Variants in MUC5B observed in about 807,000 individuals in gnomAD.
The protein encoded by MUC5B is mucin-5B.
Under a neutral mutation model 376.9 loss-of-function variants are expected in MUC5B, and 116 were observed. The ratio of observed to expected loss-of-function variants is 0.31; its 90% CI spans 0.26 to 0.36. MUC5B has a LOEUF of 0.36. Ranked by LOEUF, MUC5B falls within the 10% of genes least tolerant of loss-of-function variation. The pLI is 1.00. For missense variants in MUC5B, 7,165 were observed against 7,769.9 expected (o/e 0.92, Z 2.93); for synonymous variants, 3,517 against 3,390.9 (o/e 1.04, Z -1.29).
rs1478312057 is a variant in MUC5B, at chr11:1,233,084, C to T, written c.2137C>T (p.Arg713Cys). The T allele has an allele frequency of 7.5e-6, 12 of 1,607,232 alleles. No homozygotes were observed. Among genetic ancestry groups the T allele is most frequent in the Admixed American group, 1.7e-5 (1 of 59,778 alleles). The change falls in exon 18 of 49, where the codon CGC becomes TGC. Residue 713 changes from arginine to cysteine, a missense_variant. By Grantham distance (180) the Arg-to-Cys change is radical. Coordinates refer to ENST00000529681, the MANE Select transcript of MUC5B (RefSeq NM_002458.3). ...YVVDACQPTC[R>C]GLSEADVTCS... ...GGTGGATGCCTGCCAGCCCACTTGC[C>T]GCGGCCTGAGTGAGGCCGACGTCAC...
intron 2 of MUC5B, 145 bp from the exon 3 acceptor site, chr11:1,226,060 G>T (rs1861872669): frequency 2.5e-6 from 2 of 794,800 alleles, no homozygotes; most frequent in African/African-American, 3.5e-5. Flanking sequence ...CAGGGCCAAG[G>T]GTAAAGGGGC....
In MUC5B at chr11:1,241,809, C is replaced by A. The variant is rs751227812; in HGVS notation, c.4929C>A (p.Pro1643=). ...GTAGCCCGGGGCTGACCAGGGCTCC[C>A]CCGGCCAGCACCACAGCAGTCCCCA... ...PTSSPGLTRA[P]PASTTAVPTL... Residue 1643 remains proline, a synonymous_variant, in exon 31 of 49, where the codon CCC becomes CCA. Coordinates refer to ENST00000529681, the MANE Select transcript of MUC5B (RefSeq NM_002458.3). The A allele has an allele frequency of 6.2e-7, 1 of 1,612,842 alleles. No individual in the cohort carries two copies. Among genetic ancestry groups the A allele is most frequent in the Admixed American group, 1.7e-5 (1 of 59,948 alleles).
chr11:1,259,427 T>C (rs2133855292), intron 44 of MUC5B: 1 of 487,392 alleles, frequency 2.1e-6, no homozygotes, highest in Non-Finnish European at 3.7e-6. Context: ...AGCTCAGCCA[T>C]TGCTGGGGTC....
Position 1,247,397 on chromosome 11 carries a change from C to G in MUC5B, c.10517C>G (p.Thr3506Ser), listed in dbSNP as rs1459932413. The G allele has an allele frequency of 4.3e-6, 7 of 1,609,934 alleles. No individual in the cohort carries two copies. Among genetic ancestry groups the G allele is most frequent in the Non-Finnish European group, 5.9e-6 (7 of 1,178,998 alleles). Residue 3506 changes from threonine to serine, a missense_variant, in exon 31 of 49, where the codon ACT becomes AGT. Thr to Ser is a moderately conservative substitution (Grantham distance 58). Transcript: ENST00000529681. ...ACCACCAGTACCACCCAGCACTCGA[C>G]TCCAGCCCTGTCCAGCCCTCACCCT... ...AATTSTTQHSTPALSSPHPSS... is the reference protein window; with the variant it reads ...AATTSTTQHSSPALSSPHPSS...
intron 2 of MUC5B, 148 bp downstream of exon 2, chr11:1,225,885 C>T (rs1861869002): frequency 2.4e-5 from 18 of 758,634 alleles, no homozygotes; most frequent in South Asian, 7.4e-5. Flanking sequence ...ACCCAGCACC[C>T]GAGGCGGAGC....
At position 1,238,933 on chromosome 11, in the gene MUC5B, C is replaced by T. The variant is rs79220674; in HGVS notation, c.3360C>T (p.Gly1120=). ...ACGCGTGTGCCTGCGACTCGGGTGG[C>T]GACTGCGAGTGTTTCTGCACGGCTG... The part of the protein sequence containing the change: ...VNDACACDSG[G]DCECFCTAVA... Residue 1120 remains glycine, a synonymous_variant, in exon 26 of 49, where the codon GGC becomes GGT. Transcript: ENST00000529681. 3.2e-5 allele frequency: 51 copies of T among 1,574,124 alleles called. No homozygotes were observed. Among genetic ancestry groups the T allele is most frequent in the African/African-American group, 1.9e-4 (14 of 74,080 alleles).
rs751145015 is a variant in MUC5B at position 1,244,854 on chromosome 11, C to A, written c.7974C>A (p.Thr2658=). 1.1e-5 allele frequency: 17 copies of A among 1,613,352 alleles called. No homozygotes were observed. The East Asian group carries it at 3.6e-4, about 34-fold the overall frequency. ...CCTCCATCCCGGGGACCACCCACAC[C>A]CCCACAGTGCTGACCACCACCACCA... ...TPSSIPGTTH[T]PTVLTTTTTT... is the part of the protein sequence containing the mutation. The change falls in exon 31 of 49, where the codon ACC becomes ACA. Residue 2658 remains threonine (T), a synonymous_variant. Coordinates refer to ENST00000529681, the MANE Select transcript of MUC5B (RefSeq NM_002458.3).
Position 1,248,082 on chromosome 11 carries a change from C to A in MUC5B, c.11202C>A (p.Pro3734=). ...EPSTTATVTV[P]TGSTATASST... ...GCACTACAGCCACCGTGACGGTGCCCACCGGATCCACGGCCACCGCCTCCT... is the reference window on the plus strand; with the variant it reads ...GCACTACAGCCACCGTGACGGTGCCAACCGGATCCACGGCCACCGCCTCCT... The change falls in exon 31 of 49, where the codon CCC becomes CCA. Residue 3734 remains proline, a synonymous_variant. Coordinates refer to ENST00000529681, the MANE Select transcript of MUC5B (RefSeq NM_002458.3). 6.2e-7 allele frequency: 1 copy of A among 1,603,210 alleles called. No individual in the cohort carries two copies. Among genetic ancestry groups the A allele is most frequent in the Non-Finnish European group, 8.5e-7 (1 of 1,175,612 alleles).
rs757076636 is a variant in MUC5B, at chr11:1,241,448, T to C, written c.4568T>C (p.Leu1523Pro). ...GAGGACTACCCCAAGTCTGAACAACTTGGAGGGGACGTTGAGTCCTACGAT... is the reference window on the plus strand; with the variant it reads ...GAGGACTACCCCAAGTCTGAACAACCTGGAGGGGACGTTGAGTCCTACGAT... ...FDEDYPKSEQ[L>P]GGDVESYDKI... The change falls in exon 31 of 49, where the codon CTT becomes CCT. Residue 1523 changes from leucine (L) to proline (P), a missense_variant. Transcript: ENST00000529681. 4 of 1,613,258 alleles carry C rather than the reference T, an allele frequency of 2.5e-6. No homozygotes were observed. Among genetic ancestry groups the C allele is most frequent in the East Asian group, 4.5e-5 (2 of 44,804 alleles).
At chr11:1,223,462 C>G in intron 1 of MUC5B, 1 of 532,458 alleles carries the variant, frequency 1.9e-6, no homozygotes, top group Non-Finnish European at 3.5e-6. Flanking sequence ...GGGAGACCAC[C>G]GAAAGGGTCT....
Position 1,233,218 on chromosome 11 carries a change from C to G in MUC5B, c.2271C>G (p.His757Gln), listed in dbSNP as rs147606040. ...CCCAGGAGTGCCCCTGCTACGCTCA[C>G]GGCACCGTGCTGGCTCCTGGAGAGG... ...VPAQECPCYA[H>Q]GTVLAPGEVV... The change falls in exon 18 of 49, where the codon CAC (histidine) becomes CAG (glutamine). Residue 757 changes from histidine to glutamine, a missense_variant. This residue lies in a region of MUC5B where 530 missense variants were observed against 604.0 expected (regional missense o/e 0.88). Coordinates refer to ENST00000529681, the MANE Select transcript of MUC5B (RefSeq NM_002458.3). The G allele has an allele frequency of 6.3e-7, 1 of 1,597,648 alleles. No homozygotes were observed. The highest frequency in any genetic ancestry group is 8.5e-7 in the Non-Finnish European group (1 of 1,175,610).
Position 1,242,117 on chromosome 11 carries a change from C to T in MUC5B, c.5237C>T (p.Ala1746Val), listed in dbSNP as rs371700253. 54 of 1,613,276 alleles carry T rather than the reference C, an allele frequency of 3.3e-5. No homozygotes were observed. The highest frequency in any genetic ancestry group is 5.5e-5 in the South Asian group (5 of 91,068). The change falls in exon 31 of 49, where the codon GCG (alanine) becomes GTG (valine). Residue 1746 changes from alanine to valine, a missense_variant. Ala to Val is a moderately conservative substitution (Grantham distance 64, BLOSUM62 0). Coordinates refer to ENST00000529681, the MANE Select transcript of MUC5B (RefSeq NM_002458.3). The part of the protein sequence containing the change: ...ASKEPLTTSL[A>V]PTLTSELSTS... ...AAAGAGCCGCTGACCACGAGCCTGG[C>T]GCCAACACTCACGAGCGAGCTGTCC...
rs1484724148 is a variant in MUC5B, at chr11:1,261,709, T to C, written c.*101T>C. 2 of 1,194,726 alleles carry C rather than the reference T, an allele frequency of 1.7e-6. No homozygotes were observed. Among genetic ancestry groups the C allele is most frequent in the Middle Eastern group, 1.9e-4 (1 of 5,374 alleles). 74.0% of individuals were successfully genotyped at this position (1,194,726 alleles called of 1,614,324 possible). On this transcript the variant is annotated 3_prime_UTR_variant, in exon 49 of 49. Transcript: ENST00000529681. The stretch of plus-strand genomic sequence containing the variant: ...GCCTCCTCTGCGGAGCCCCCCGGCC[T>C]GTGTGTGGCACCCCGCGCTCCGTGC...
In MUC5B at chr11:1,240,333, C is replaced by T. The variant is rs115299660; in HGVS notation, c.3928C>T (p.Pro1310Ser). 1.5e-3 allele frequency: 2,426 copies of T among 1,609,988 alleles called. 30 individuals carry two copies. The African/African-American group carries it at 0.029, about 19-fold the overall frequency. ...VACPGTPATT[P>S]FTFTTAWVPH... ...ATGTCCTGGAACTCCAGCCACAACG[C>T]CATTCACCTTCACCACCGCCTGGGT... The change falls in exon 30 of 49, where the codon CCA (proline) becomes TCA (serine). Residue 1310 changes from proline (P) to serine (S), a missense_variant. Physicochemically the swap from Pro to Ser is moderately conservative, Grantham distance 74. Coordinates refer to ENST00000529681, the MANE Select transcript of MUC5B (RefSeq NM_002458.3).
chr11:1,251,843 A>G (rs1862709411), intron 31 of MUC5B, 100 bp downstream of exon 31: 3 of 887,770 alleles, frequency 3.4e-6, no homozygotes, highest in African/African-American at 3.4e-5. Context: ...CCTGCTGGTC[A>G]TGTTTGTTCC....
chr11:1,252,302 T>C (rs1419230243), intron 31 of MUC5B, 41 bp from the exon 32 acceptor site: 1 of 1,513,262 alleles, frequency 6.6e-7, no homozygotes, highest in Non-Finnish European at 8.9e-7. Context: ...CTTACCCATC[T>C]CTGGGAGTGG....
chr11:1,233,962 C>A, intron 19 of MUC5B, 114 bp downstream of exon 19: 1 of 1,097,008 alleles, frequency 9.1e-7, no homozygotes. Context: ...CGGGCCAGGT[C>A]AGTCCTCACC....
chr11:1,229,324 G>A (rs571191527), intron 9 of MUC5B, 29 bp downstream of exon 9: 3 of 1,519,898 alleles, frequency 2.0e-6, no homozygotes, highest in Admixed American at 2.0e-5. Context: ...GAACCCCTCA[G>A]GGGGCTTTCA....
At position 1,243,764 on chromosome 11, in the gene MUC5B, C is replaced by A. The variant is rs768786670; in HGVS notation, c.6884C>A (p.Thr2295Asn). 1.1e-5 allele frequency: 18 copies of A among 1,611,602 alleles called. No homozygotes were observed. Among genetic ancestry groups the A allele is most frequent in the Non-Finnish European group, 1.4e-5 (17 of 1,179,650 alleles). Residue 2295 changes from threonine to asparagine, a missense_variant, in exon 31 of 49, where the codon ACC becomes AAC. This residue lies in a region of MUC5B where 26 missense variants were observed against 36.2 expected (regional missense o/e 0.72). Transcript: ENST00000529681. ...ACACCCAGCAAGACCCGCACCTCGACCCTGCTGCCCAGCAGCCCCACATCG... is the reference window on the plus strand; with the variant it reads ...ACACCCAGCAAGACCCGCACCTCGAACCTGCTGCCCAGCAGCCCCACATCG... ...TATPSKTRTS[T>N]LLPSSPTSAP...
Sources: allele counts gnomAD v4.1 joint callset, GRCh38; gene constraint gnomAD v4.1.1; regional missense constraint gnomAD v4.1.1; transcripts MANE v1.5; gene names NCBI Gene and HGNC (gene_info 2026-07-23, HGNC 2026-07-21).